EIF4E2: variants seen among roughly 807,000 people sequenced by gnomAD.
EIF4E2 encodes the protein eukaryotic translation initiation factor 4E family member 2.
A neutral mutation model predicts 34.2 loss-of-function variants in EIF4E2; 13 were observed. The ratio of observed to expected loss-of-function variants is 0.38; its 90% CI spans 0.25 to 0.60. The LOEUF (loss-of-function observed/expected upper bound fraction) is 0.60. Ranked by LOEUF, EIF4E2 falls within the 20% of genes least tolerant of loss-of-function variation. EIF4E2 has a pLI of 0.62. For synonymous variants in EIF4E2, 100 were observed against 106.6 expected (o/e 0.94, Z 0.38); for missense variants, 222 against 315.1 (o/e 0.70, Z 2.24).
At position 232,564,284 on chromosome 2, in the gene EIF4E2, G is replaced by A. The variant is rs921725664; in HGVS notation, c.308G>A (p.Arg103His). Reference protein sequence around the residue: ...QFWRFYSHMVRPGDLTGHSDF... With the variant: ...QFWRFYSHMVHPGDLTGHSDF... Reference sequence around the variant, plus strand: ...TGGAGGTTTTATAGCCACATGGTACGTCCTGGGGACCTGACAGGCCACAGT... The same window carrying A: ...TGGAGGTTTTATAGCCACATGGTACATCCTGGGGACCTGACAGGCCACAGT... Residue 103 changes from arginine to histidine, a missense_variant, in exon 4 of 7, where the codon CGT (arginine) becomes CAT (histidine). Arg to His is a conservative substitution (Grantham distance 29). Transcript: ENST00000258416. 20 of 1,599,516 alleles carry A rather than the reference G, an allele frequency of 1.3e-5. No individual in the cohort carries two copies. In the East Asian group the frequency reaches 2.2e-4, roughly 18 times the overall value.
chr2:232,558,181 C>G (rs1692590499), intron 3 of EIF4E2, 163 bp downstream of exon 3: 2 of 823,764 alleles, frequency 2.4e-6, no homozygotes, highest in Non-Finnish European at 3.6e-6. Flanking sequence ...AGGTTTCTCA[C>G]TAGATATCCA....
At chr2:232,572,930 T>G (rs999202096), downstream of EIF4E2, among the ~76,000 whole-genome samples, 2 of 152,242 alleles carry the variant, frequency 1.3e-5, no homozygotes, top group Non-Finnish European at 2.9e-5. Flanking sequence ...AAAAAGGAAT[T>G]TAAATCTCAG....
intron 2 of EIF4E2, 48 bp downstream of exon 2, chr2:232,556,578 T>C (rs1411467257): frequency 9.3e-7 from 1 of 1,080,048 alleles, no homozygotes; most frequent in Non-Finnish European, 1.4e-6. Flanking sequence ...TTGAGACTTT[T>C]ATTATCTTGT....
Position 232,574,870 on chromosome 2 carries a change from A to G in EIF4E2, c.666-6034A>G, listed in dbSNP as rs998715712. 2.0e-5 allele frequency among the ~76,000 whole-genome samples: 3 copies of G among 152,232 alleles called. No individual in the cohort carries two copies. The East Asian group carries it at 5.8e-4, about 29-fold the overall frequency. Reference sequence around the variant, plus strand: ...GTGAGTAGCAGTTGTTCCAAGCTGTACTTTCACTAGACCAGCACAACTGTA... The same window carrying G: ...GTGAGTAGCAGTTGTTCCAAGCTGTGCTTTCACTAGACCAGCACAACTGTA... On this transcript the variant is annotated intron_variant, in intron 6 of 6. Transcript: ENST00000409098.
At chr2:232,565,890 G>A (rs529921909) in intron 4 of EIF4E2, among the ~76,000 whole-genome samples, 2 of 151,584 alleles carry the variant, frequency 1.3e-5, no homozygotes, top group Non-Finnish European at 2.9e-5. Context: ...TCAAGGGTTC[G>A]AGACCAGCCT....
chr2:232,571,630 G>A (rs1299292916), downstream of EIF4E2, among the ~76,000 whole-genome samples: 1 of 152,236 alleles, frequency 6.6e-6, no homozygotes, highest in Non-Finnish European at 1.5e-5. Flanking sequence ...GGAGTGGAGG[G>A]TGGGTGATTC....
At chr2:232,561,244 G>T (rs2106242144) in intron 3 of EIF4E2, among the ~76,000 whole-genome samples, 1 of 152,106 alleles carries the variant, frequency 6.6e-6, no homozygotes, top group African/African-American at 2.4e-5. Flanking sequence ...AACCAGCCTG[G>T]GCAACATAGT....
chr2:232,570,326 T>A (rs992159082), downstream of EIF4E2, among the ~76,000 whole-genome samples: 4 of 152,184 alleles, frequency 2.6e-5, no homozygotes. Context: ...AAATGAGAGA[T>A]TTGCTGGAAT....
intron 3 of EIF4E2, chr2:232,558,680 G>A (rs1219993254): frequency 6.6e-6 from 1 of 151,648 alleles, no homozygotes; most frequent in Non-Finnish European, 1.5e-5. Flanking sequence ...CATGGATACA[G>A]AAGTTTATAA....
At chr2:232,561,176 G>A (rs1489123779) in intron 3 of EIF4E2, among the ~76,000 whole-genome samples, 1 of 152,156 alleles carries the variant, frequency 6.6e-6, no homozygotes, top group Non-Finnish European at 1.5e-5. Flanking sequence ...GCTCATGCCT[G>A]TAATCCCAGC....
intron 3 of EIF4E2, 98 bp downstream of exon 3, chr2:232,558,116 T>C (rs564893561): frequency 6.7e-7 from 1 of 1,495,308 alleles, no homozygotes; most frequent in African/African-American, 1.4e-5. Context: ...TATTTAAGAT[T>C]CTGGTTTTCT....
chr2:232,560,716 T>TA (rs1173408350), intron 3 of EIF4E2, among the ~76,000 whole-genome samples: 1 of 152,250 alleles, frequency 6.6e-6, no homozygotes, highest in African/African-American at 2.4e-5. Context: ...TCATATCTAA[T>TA]ACTTGTATCT....
downstream of EIF4E2, among the ~76,000 whole-genome samples, chr2:232,572,618 C>T (rs1202158754): frequency 6.6e-6 from 1 of 152,216 alleles, no homozygotes; most frequent in Non-Finnish European, 1.5e-5. Context: ...CCGCCTGCCT[C>T]AGCCTCCCGA....
intron 1 of EIF4E2, among the ~76,000 whole-genome samples, chr2:232,553,484 C>T (rs1232255476): frequency 6.6e-6 from 1 of 152,122 alleles, no homozygotes. Flanking sequence ...AGGTCCTGCC[C>T]ACAAGGTATT....
At chr2:232,565,489 C>T (rs1016154360) in intron 4 of EIF4E2, among the ~76,000 whole-genome samples, 2 of 151,886 alleles carry the variant, frequency 1.3e-5, no homozygotes, top group African/African-American at 4.8e-5. Flanking sequence ...CAAAAATTAG[C>T]CAGGTGTGGT....
chr2:232,559,181 C>G (rs576675649), intron 3 of EIF4E2, among the ~76,000 whole-genome samples: 1 of 150,324 alleles, frequency 6.7e-6, no homozygotes, highest in East Asian at 2.0e-4. Context: ...ATGTAACTAA[C>G]CTGCACAATG....
At chr2:232,556,336 T>C (rs1692521025) in intron 1 of EIF4E2, 80 bp from the exon 2 acceptor site, 6 of 1,158,388 alleles carry the variant, frequency 5.2e-6, no homozygotes, top group South Asian at 1.3e-5. Flanking sequence ...TACATAGTAG[T>C]TCGTATGACC....
chr2:232,564,358 ACTAATGG>A lies in EIF4E2; in HGVS notation c.375+10_375+16del. On this transcript the variant is annotated splice_region_variant and intron_variant, in intron 4 of 6. Transcript: ENST00000258416. ...AATTAAACCCATGTGGGAGGTAAGG[ACTAATGG>A]CTTCTGACTGCTTTTTTGAGCAAGT... 1 of 1,555,760 alleles carries A rather than the reference ACTAATGG, an allele frequency of 6.4e-7. No homozygotes were observed. Among genetic ancestry groups the A allele is most frequent in the South Asian group, 1.2e-5 (1 of 84,396 alleles).
Position 232,566,877 on chromosome 2 carries a change from G to GT in EIF4E2, c.424_425insT (p.Gly142ValfsTer44). The GT allele has an allele frequency of 6.2e-7, 1 of 1,613,968 alleles. No homozygotes were observed. The highest frequency in any genetic ancestry group is 8.5e-7 in the Non-Finnish European group (1 of 1,179,982). On this transcript the variant is annotated frameshift_variant, in exon 5 of 7. Coordinates refer to ENST00000258416, the MANE Select transcript of EIF4E2 (RefSeq NM_004846.4). LOFTEE classifies it high-confidence loss of function. This position sits in a 1 kb window ranked among gnomAD's most constrained non-coding sequence, Gnocchi z 4.9. The stretch of plus-strand genomic sequence containing the variant: ...CAAGTGGATTATTCGGCTGCGGAAG[G>GT]GCTTGGCCTCCCGTTGCTGGGAGAA...
Sources: allele counts gnomAD v4.1 joint callset (sites outside exome capture counted in the v4.1 genomes callset), GRCh38; gene constraint gnomAD v4.1.1; non-coding constraint Gnocchi (gnomAD v3.1); transcripts MANE v1.5; gene names NCBI Gene and HGNC (gene_info 2026-07-23, HGNC 2026-07-21).